The following KCNAB2 variants were observed in gnomAD, a reference collection of about 807,000 sequenced individuals.
KCNAB2 encodes potassium voltage-gated channel subfamily A regulatory beta subunit 2, also known as voltage-gated potassium channel subunit beta-2.
A neutral mutation model predicts 63.6 loss-of-function variants in KCNAB2; 29 were observed. The ratio of observed to expected loss-of-function variants is 0.46; its 90% CI spans 0.34 to 0.62. KCNAB2 has a LOEUF of 0.62. Among genes scored for constraint, KCNAB2 ranks in the 20% least tolerant of loss-of-function variants. KCNAB2 has a pLI of 0.01. For synonymous variants in KCNAB2, 222 were observed against 224.2 expected (o/e 0.99, Z 0.09); for missense variants, 359 against 563.9 (o/e 0.64, Z 3.68).
In KCNAB2 at chr1:6,073,917, T is replaced by G; in HGVS notation, c.300+147T>G. 4.0e-5 allele frequency: 30 copies of G among 744,724 alleles called. No homozygotes were observed. The highest frequency in any genetic ancestry group is 1.6e-4 in the African/African-American group (9 of 57,664). 46.1% of individuals were successfully genotyped at this position (744,724 alleles called of 1,614,324 possible). A position where few individuals can be genotyped will look rare whatever the true frequency, so the allele number is the denominator to read the frequency against. ...CTCTTTCTGTTTTGTGAGGGCGCCC[T>G]GCCCCAGGGGAGAGTAGAAAGGTGA... On this transcript the variant is annotated intron_variant, in intron 4 of 15. Transcript: ENST00000378083. The surrounding 1 kb of genome is among the most constrained non-coding windows in gnomAD (Gnocchi z 5.7).
chr1:6,016,155 A>ACCTGCTG (rs918114549), intron 1 of KCNAB2, among the ~76,000 whole-genome samples: 1 of 152,160 alleles, frequency 6.6e-6, no homozygotes, highest in Admixed American at 6.5e-5. Context: ...ACCAGCACCC[A>ACCTGCTG]CCTGCTGCCT....
chr1:6,077,829 C>T (rs1244918723), intron 4 of KCNAB2, among the ~76,000 whole-genome samples: 6 of 152,178 alleles, frequency 3.9e-5, no homozygotes, highest in Admixed American at 1.3e-4. Flanking sequence ...CTAGAGAGGG[C>T]GACAGGGTAA....
chr1:6,065,307 G>T (rs1037244575), intron 2 of KCNAB2, among the ~76,000 whole-genome samples: 1 of 152,236 alleles, frequency 6.6e-6, no homozygotes, highest in East Asian at 1.9e-4. Context: ...AGCAGCCAGC[G>T]ATGGCCTCAG....
chr1:6,008,139 T>C (rs1657933330), intron 1 of KCNAB2, among the ~76,000 whole-genome samples: 1 of 152,170 alleles, frequency 6.6e-6, no homozygotes, highest in African/African-American at 2.4e-5. Flanking sequence ...ACAGATTGTT[T>C]TCTCCATGTT....
At chr1:5,996,791 G>A (rs895481991) in intron 1 of KCNAB2, among the ~76,000 whole-genome samples, 2 of 152,218 alleles carry the variant, frequency 1.3e-5, no homozygotes, top group South Asian at 2.1e-4. Flanking sequence ...CCTGACTGCC[G>A]AGCAGCCGAG....
chr1:6,017,285 C>T (rs760047039), intron 1 of KCNAB2, among the ~76,000 whole-genome samples: 56 of 152,284 alleles, frequency 3.7e-4, no homozygotes, highest in Admixed American at 1.2e-3. Flanking sequence ...AGGTCTCACA[C>T]TGTCACCCAG....
At chr1:6,047,548 G>A (rs569248393) in intron 1 of KCNAB2, among the ~76,000 whole-genome samples, 1 of 152,294 alleles carries the variant, frequency 6.6e-6, no homozygotes, top group East Asian at 1.9e-4. Flanking sequence ...GACCTGCAAA[G>A]AGCTGCTGGG....
intron 1 of KCNAB2, among the ~76,000 whole-genome samples, chr1:6,006,787 C>G (rs1017224669): frequency 6.7e-6 from 1 of 149,738 alleles, no homozygotes; most frequent in South Asian, 2.1e-4. Context: ...CGCTACCTGA[C>G]CACATCCCTC....
At chr1:6,025,966 A>T (rs540207714) in intron 1 of KCNAB2, 1 of 141,612 alleles carries the variant, frequency 7.1e-6, no homozygotes, top group African/African-American at 2.7e-5. Flanking sequence ...CCCGGCACAC[A>T]GCCGATCCCG....
chr1:6,089,175 C>G, intron 8 of KCNAB2, 124 bp downstream of exon 8: 3 of 1,061,596 alleles, frequency 2.8e-6, no homozygotes, highest in Non-Finnish European at 4.2e-6. Flanking sequence ...TCCCGGGGCA[C>G]CCGGTGCTCT....
chr1:6,030,940 G>GTT (rs1557427569), upstream of KCNAB2, among the ~76,000 whole-genome samples: 1 of 151,784 alleles, frequency 6.6e-6, no homozygotes, highest in African/African-American at 2.4e-5. Flanking sequence ...GTGTGTGTGT[G>GTT]TGTGTGTTGG....
At chr1:6,077,241 C>T (rs1276933206) in intron 4 of KCNAB2, among the ~76,000 whole-genome samples, 4 of 152,016 alleles carry the variant, frequency 2.6e-5, no homozygotes, top group Non-Finnish European at 1.5e-5. Flanking sequence ...CCGTGACAGC[C>T]AATGGAAAAT....
At position 6,069,579 on chromosome 1, in the gene KCNAB2, C is replaced by A. The variant is rs1174149933; in HGVS notation, c.219-3176C>A. ...TTGACCACCTGCTTCATTAGGATGTCAGGTTTCAACGATGGGGAAGAAATC... is the reference window on the plus strand; with the variant it reads ...TTGACCACCTGCTTCATTAGGATGTAAGGTTTCAACGATGGGGAAGAAATC... On this transcript the variant is annotated intron_variant, in intron 2 of 15. Transcript: ENST00000378083. This position sits in a 1 kb window ranked among gnomAD's most constrained non-coding sequence, Gnocchi z 5.4. 6.6e-6 allele frequency among the ~76,000 whole-genome samples: 1 copy of A among 152,174 alleles called. No homozygotes were observed. The highest frequency in any genetic ancestry group is 1.5e-5 in the Non-Finnish European group (1 of 68,034).
At position 6,099,643 on chromosome 1, in the gene KCNAB2, A is replaced by G. The variant is rs1665901672; in HGVS notation, c.*1069A>G. On this transcript the variant is annotated 3_prime_UTR_variant, in exon 16 of 16. Transcript: ENST00000378083. Reference sequence around the variant, plus strand: ...GAGCTGGTGGGCTTGGGTTTTGTGGAGCGCATGCTTGGACCCTTTCAGTAA... The same window carrying G: ...GAGCTGGTGGGCTTGGGTTTTGTGGGGCGCATGCTTGGACCCTTTCAGTAA... 9.8e-7 allele frequency: 1 copy of G among 1,022,730 alleles called. No individual in the cohort carries two copies. The highest frequency in any genetic ancestry group is 1.4e-6 in the Non-Finnish European group (1 of 738,560). 63.4% of individuals were successfully genotyped at this position (1,022,730 alleles called of 1,614,324 possible).
intron 4 of KCNAB2, among the ~76,000 whole-genome samples, chr1:6,081,458 C>A (rs1450145005): frequency 6.6e-6 from 1 of 152,252 alleles, no homozygotes; most frequent in Non-Finnish European, 1.5e-5. Context: ...TCCACAGAGC[C>A]CCTGCTGGGG....
upstream of KCNAB2, among the ~76,000 whole-genome samples, chr1:6,045,297 G>A (rs1311854029): frequency 6.6e-6 from 1 of 152,172 alleles, no homozygotes; most frequent in Admixed American, 6.5e-5. This position sits in a 1 kb window ranked among gnomAD's most constrained non-coding sequence, Gnocchi z 4.8. Context: ...ATGTCACGCT[G>A]GGACTTTGCT....
rs913617744 is a variant in KCNAB2, at chr1:6,100,577, G to T, written c.*2003G>T. ...CTGTTGGAAGAGGGACCAGCGCGAG[G>T]TGGTGCCCAGGGTGGGCACTGCTGC... On this transcript the variant is annotated 3_prime_UTR_variant, in exon 16 of 16. Coordinates refer to ENST00000378083, the MANE Select transcript of KCNAB2 (RefSeq NM_001199862.2). 6.6e-6 allele frequency: 1 copy of T among 152,586 alleles called. No individual in the cohort carries two copies. Among genetic ancestry groups the T allele is most frequent in the Non-Finnish European group, 1.5e-5 (1 of 68,300 alleles). The allele number at this position is 152,586 out of a possible 1,614,324, so 9.5% of individuals were successfully genotyped here. A position where few individuals can be genotyped will look rare whatever the true frequency, so the allele number is the denominator to read the frequency against.
intron 1 of KCNAB2, among the ~76,000 whole-genome samples, chr1:6,006,877 C>T (rs935251097): frequency 7.2e-5 from 11 of 151,818 alleles, no homozygotes; most frequent in African/African-American, 2.4e-4. Context: ...TTGAAACCCA[C>T]CTAAAATACA....
At chr1:6,005,062 G>T (rs868758811) in intron 1 of KCNAB2, among the ~76,000 whole-genome samples, 90 of 6,342 alleles carry the variant, frequency 0.014, 6 homozygotes, top group East Asian at 0.14. Flanking sequence ...GGTGAGGGTA[G>T]AGTGGGGGAC....
Sources: gnomAD v4.1 joint callset for allele counts (sites outside exome capture counted in the v4.1 genomes callset) on GRCh38, gnomAD v4.1.1 for gene constraint, Gnocchi (gnomAD v3.1) non-coding constraint, MANE v1.5 for transcripts, NCBI Gene and HGNC (gene_info 2026-07-23, HGNC 2026-07-21) for gene names.